Variants in DPP10 observed in about 807,000 individuals in gnomAD.
DPP10 encodes dipeptidyl peptidase like 10.
Under a neutral mutation model 120.9 loss-of-function variants are expected in DPP10, and 33 were observed. The observed-to-expected ratio is 0.27, with a 90% CI of 0.21 to 0.37. The LOEUF (loss-of-function observed/expected upper bound fraction) is 0.37, where lower values mean the gene tolerates loss of function less well. DPP10 is among the 10% of genes least tolerant of loss of function. DPP10 has a pLI of 1.00. For missense variants in DPP10, 816 were observed against 942.8 expected, an observed-to-expected ratio of 0.87 and a Z score of 1.76; for synonymous variants, 337 against 326.1, an observed-to-expected ratio of 1.03 and a Z score of -0.36.
intron 1 of DPP10, among the ~76,000 whole-genome samples, chr2:114,983,099 A>T (rs1301600040): frequency 6.6e-6 from 1 of 152,202 alleles, no homozygotes; most frequent in Non-Finnish European, 1.5e-5. Context: ...ATGATGCATT[A>T]TATACACTTG....
intron 1 of DPP10, among the ~76,000 whole-genome samples, chr2:114,585,512 G>A (rs1317675255): frequency 6.6e-6 from 1 of 152,102 alleles, no homozygotes; most frequent in Non-Finnish European, 1.5e-5. Flanking sequence ...ACCTAGATAA[G>A]TTTAATTGAA....
chr2:115,835,099 G>A (rs1256018421), intron 21 of DPP10, among the ~76,000 whole-genome samples: 1 of 151,228 alleles, frequency 6.6e-6, no homozygotes, highest in Admixed American at 6.6e-5. Flanking sequence ...TCGCACCACT[G>A]CACTCCAGCC....
intron 1 of DPP10, among the ~76,000 whole-genome samples, chr2:114,644,061 A>T (rs1274486178): frequency 6.7e-6 from 1 of 148,230 alleles, no homozygotes; most frequent in Non-Finnish European, 1.5e-5. Context: ...CAGCCTCCCA[A>T]GTAGCTGGGA....
chr2:115,804,102 C>T (rs112110165), intron 19 of DPP10, among the ~76,000 whole-genome samples: 1 of 152,094 alleles, frequency 6.6e-6, no homozygotes, highest in African/African-American at 2.4e-5. Context: ...TCACATAGTC[C>T]CATATTTCTT....
At chr2:115,572,117 A>T (rs2081368213) in intron 5 of DPP10, among the ~76,000 whole-genome samples, 1 of 152,158 alleles carries the variant, frequency 6.6e-6, no homozygotes, top group Admixed American at 6.5e-5. Flanking sequence ...GGGTTGCCAT[A>T]GAGATGTCTA....
intron 1 of DPP10, among the ~76,000 whole-genome samples, chr2:114,463,042 C>T (rs534019452): frequency 6.6e-6 from 1 of 152,232 alleles, no homozygotes; most frequent in East Asian, 1.9e-4. Flanking sequence ...TCCCCGAGGA[C>T]TCTGGTTTCT....
At chr2:115,093,140 A>G (rs958396) in intron 1 of DPP10, among the ~76,000 whole-genome samples, 120,717 of 152,030 alleles carry the variant, frequency 0.79, 48,680 homozygotes, top group Non-Finnish European at 0.88. Flanking sequence ...AAGATCCCTC[A>G]CTTGGAGATG....
At chr2:114,973,661 C>CAAAAAAAAAAAAAAAAAAAAA (rs58042446) in intron 1 of DPP10, among the ~76,000 whole-genome samples, 1 of 70,996 alleles carries the variant, frequency 1.4e-5, no homozygotes, top group African/African-American at 6.3e-5. Context: ...GACTCCGTCT[C>CAAAAAAAAAAAAAAAAAAAAA]AAAAAAAAAA....
At chr2:114,452,782 A>T (rs1186150473) in intron 1 of DPP10, among the ~76,000 whole-genome samples, 1 of 152,148 alleles carries the variant, frequency 6.6e-6, no homozygotes, top group Non-Finnish European at 1.5e-5. Flanking sequence ...TGATGCCCAA[A>T]TATCATGGCC....
intron 1 of DPP10, among the ~76,000 whole-genome samples, chr2:114,844,338 G>C (rs959841882): frequency 6.6e-6 from 1 of 151,552 alleles, no homozygotes. Flanking sequence ...AGACGACAGC[G>C]GTCAGAATAA....
chr2:114,699,216 T>A (rs1237645276), intron 1 of DPP10, among the ~76,000 whole-genome samples: 1 of 152,224 alleles, frequency 6.6e-6, no homozygotes, highest in South Asian at 2.1e-4. Flanking sequence ...GGAGGTACCA[T>A]GAAGGCATGG....
chr2:115,530,240 G>T (rs188678489), intron 5 of DPP10, among the ~76,000 whole-genome samples: 67 of 152,074 alleles, frequency 4.4e-4, no homozygotes, highest in African/African-American at 1.3e-3. Flanking sequence ...ATTATAGGGT[G>T]TATTTGTGGG....
chr2:115,492,301 G>T (rs765160921), intron 3 of DPP10, among the ~76,000 whole-genome samples: 2 of 152,134 alleles, frequency 1.3e-5, no homozygotes, highest in Non-Finnish European at 2.9e-5. Flanking sequence ...TCTTGTCACA[G>T]AAAGTGAGCA....
chr2:115,782,821 A>T (rs1272570869), intron 17 of DPP10, among the ~76,000 whole-genome samples: 3 of 152,058 alleles, frequency 2.0e-5, no homozygotes, highest in Non-Finnish European at 4.4e-5. Context: ...TTTGTTCCAG[A>T]TATCCAGGTT....
intron 1 of DPP10, among the ~76,000 whole-genome samples, chr2:114,669,459 T>A (rs1027783168): frequency 6.6e-6 from 1 of 152,146 alleles, no homozygotes; most frequent in Non-Finnish European, 1.5e-5. Context: ...TGGGGAAGAC[T>A]CCCTTATGTC....
chr2:115,128,784 T>G (rs936506085), intron 1 of DPP10, among the ~76,000 whole-genome samples: 1 of 152,228 alleles, frequency 6.6e-6, no homozygotes, highest in Non-Finnish European at 1.5e-5. Context: ...CAGTTCATAA[T>G]ATAGTTTTAT....
intron 1 of DPP10, among the ~76,000 whole-genome samples, chr2:114,748,367 TTTATTTATTTA>T (rs1678827296): frequency 4.2e-5 from 4 of 96,226 alleles, no homozygotes; most frequent in Non-Finnish European, 5.9e-5. Context: ...TTTTATTTTA[TTTATTTATTTA>T]TTTATTTATT....
chr2:115,076,416 A>ACCG (rs1439915856), intron 1 of DPP10, among the ~76,000 whole-genome samples: 1 of 151,364 alleles, frequency 6.6e-6, no homozygotes, highest in Non-Finnish European at 1.5e-5. Context: ...ATCCTTATCT[A>ACCG]TGACTATAGA....
At chr2:114,761,448 G>A (rs930906766) in intron 1 of DPP10, among the ~76,000 whole-genome samples, 12 of 152,084 alleles carry the variant, frequency 7.9e-5, no homozygotes, top group Admixed American at 5.2e-4. Flanking sequence ...AGACTCGCTC[G>A]TATGCTTGTA....
Sources: gnomAD v4.1 joint callset for allele counts (sites outside exome capture counted in the v4.1 genomes callset) on GRCh38, gnomAD v4.1.1 for gene constraint, MANE v1.5 for transcripts, NCBI Gene and HGNC (gene_info 2026-07-23, HGNC 2026-07-21) for gene names.